The following ASL variants were observed in gnomAD, a reference collection of about 807,000 sequenced individuals.
ASL encodes argininosuccinase.
ASL carries 51 observed loss-of-function variants against 69.1 expected under a neutral mutation model. That is an observed-to-expected ratio of 0.74 (90% CI 0.59 to 0.93). ASL has a LOEUF of 0.93. Among genes scored for constraint, ASL ranks in the 40% least tolerant of loss-of-function variants. ASL has a pLI of 0.00. For missense variants in ASL, 540 were observed against 623.9 expected (o/e 0.87, Z 1.43); for synonymous variants, 241 against 247.6 (o/e 0.97, Z 0.25).
chr7:66,092,833 C>T lies in ASL; in HGVS notation c.1316C>T (p.Ala439Val), dbSNP rs1786891875. The T allele has an allele frequency of 1.2e-6, 2 of 1,613,660 alleles. No homozygotes were observed. The highest frequency in any genetic ancestry group is 1.1e-5 in the South Asian group (1 of 91,088). Residue 439 changes from alanine to valine, a missense_variant, in exon 17 of 17, where the codon GCC becomes GTC. Physicochemically the swap from Ala to Val is moderately conservative, Grantham distance 64. Transcript: ENST00000304874. The part of the protein sequence containing the change: ...DYGHSVEQYG[A>V]LGGTARSSVD... ...GGGCACAGTGTGGAGCAGTATGGTG[C>T]CCTGGGCGGCACTGCGCGCTCCAGC...
chr7:66,081,134 G>GGT (rs1206089931), intron 2 of ASL, among the ~76,000 whole-genome samples: 15 of 152,172 alleles, frequency 9.9e-5, no homozygotes, highest in Admixed American at 9.8e-4. Flanking sequence ...GAATTGTATT[G>GGT]GTGCCTACCC....
rs697969 is a variant in ASL at position 66,093,491 on chromosome 7, C to A, written c.*579C>A. On this transcript the variant is annotated 3_prime_UTR_variant, in exon 17 of 17. Coordinates refer to ENST00000304874, the MANE Select transcript of ASL (RefSeq NM_000048.4). ...CTCCTAGGCCAGGAGCGATGGCTCA[C>A]GCCTGTAATCCTAGCATTTTGGGAG... 94,896 of 160,524 alleles carry A rather than the reference C, an allele frequency of 0.59. 28,489 individuals carry two copies. The highest frequency in any genetic ancestry group is 0.68 in the African/African-American group (28,258 of 41,508). 9.9% of individuals were successfully genotyped at this position (160,524 alleles called of 1,614,324 possible). A position where few individuals can be genotyped will look rare whatever the true frequency, so the allele number is the denominator to read the frequency against.
intron 6 of ASL, among the ~76,000 whole-genome samples, chr7:66,085,992 A>G (rs1269344890): frequency 1.3e-5 from 2 of 152,060 alleles, no homozygotes; most frequent in Non-Finnish European, 2.9e-5. Context: ...GGAGGCTGAG[A>G]CAGGAGGATC....
Position 66,076,070 on chromosome 7 carries a change from G to T in ASL, c.-12G>T. ...AGGACCGAAGCTTCCGGACGACGAG[G>T]AACCGCCCAACATGGCCTCGGAGGT... On this transcript the variant is annotated 5_prime_UTR_variant, in exon 2 of 17. Transcript: ENST00000304874. 1 of 1,599,884 alleles carries T rather than the reference G, an allele frequency of 6.3e-7. No individual in the cohort carries two copies.
At chr7:66,089,507 T>C in intron 13 of ASL, 105 bp from the exon 14 acceptor site, 1 of 1,459,714 alleles carries the variant, frequency 6.9e-7, no homozygotes, top group Non-Finnish European at 9.5e-7. Context: ...TTGAGTGTTC[T>C]TCCCATGGAA....
chr7:66,090,148 G>C (rs913068636), intron 14 of ASL, among the ~76,000 whole-genome samples: 2 of 152,162 alleles, frequency 1.3e-5, no homozygotes, highest in African/African-American at 4.8e-5. Context: ...GGAGGCAGAA[G>C]AATAGCTTGA....
chr7:66,085,054 G>T (rs1786620109), intron 6 of ASL, among the ~76,000 whole-genome samples: 1 of 152,146 alleles, frequency 6.6e-6, no homozygotes, highest in Non-Finnish European at 1.5e-5. Context: ...CACCGTGCCT[G>T]GCCTTGAGTA....
intron 10 of ASL, among the ~76,000 whole-genome samples, 170 bp from the exon 11 acceptor site, chr7:66,088,637 G>T (rs541892709): frequency 2.0e-5 from 3 of 152,176 alleles, no homozygotes; most frequent in Non-Finnish European, 4.4e-5. Flanking sequence ...CAGAAGGATT[G>T]CTTGAGCCCA....
In ASL at chr7:66,089,715, C is replaced by T; in HGVS notation, c.1062+20C>T. On this transcript the variant is annotated intron_variant, in intron 14 of 16. Transcript: ENST00000304874. Reference sequence around the variant, plus strand: ...CTGCAGGCAAGACATCACCCCCCTGCTTCTCCTCCCCTAGGTCCCAGGCAC... The same window carrying T: ...CTGCAGGCAAGACATCACCCCCCTGTTTCTCCTCCCCTAGGTCCCAGGCAC... 1 of 1,612,050 alleles carries T rather than the reference C, an allele frequency of 6.2e-7. No homozygotes were observed. Among genetic ancestry groups the T allele is most frequent in the Non-Finnish European group, 8.5e-7 (1 of 1,179,596 alleles).
chr7:66,077,555 C>G (rs561554591), intron 2 of ASL, among the ~76,000 whole-genome samples: 1 of 152,050 alleles, frequency 6.6e-6, no homozygotes, highest in African/African-American at 2.4e-5. Flanking sequence ...ATGGTGAAAC[C>G]CCGTCTCTAC....
chr7:66,089,567 G>T (rs1249056591), intron 13 of ASL, 45 bp from the exon 14 acceptor site: 2 of 1,602,560 alleles, frequency 1.2e-6, no homozygotes, highest in Non-Finnish European at 1.7e-6. Flanking sequence ...GACCCTGGGT[G>T]CCAGGGGGCT....
chr7:66,081,715 G>C (rs985659014), intron 2 of ASL, 88 bp from the exon 3 acceptor site: 7 of 1,473,344 alleles, frequency 4.8e-6, no homozygotes, highest in Admixed American at 2.1e-5. Context: ...GCTACCATCA[G>C]ACTTGATAAG....
intron 2 of ASL, among the ~76,000 whole-genome samples, chr7:66,081,178 G>A (rs183028394): frequency 1.3e-5 from 2 of 152,208 alleles, no homozygotes; most frequent in African/African-American, 2.4e-5. Context: ...ATGGCACCTA[G>A]CACCTTGGTC....
At position 66,092,796 on chromosome 7, in the gene ASL, G is replaced by A. The variant is rs746642043; in HGVS notation, c.1279G>A (p.Val427Met). The change falls in exon 17 of 17, where the codon GTG becomes ATG. Residue 427 changes from valine to methionine, a missense_variant. Physicochemically the swap from Val to Met is conservative, Grantham distance 21 (BLOSUM62 1). Transcript: ENST00000304874. ...CCTGTTCTCGGGCGACGTGATCTGC[G>A]TGTGGGACTACGGGCACAGTGTGGA... ...SPLFSGDVIC[V>M]WDYGHSVEQY... The A allele has an allele frequency of 9.3e-6, 15 of 1,613,810 alleles. No homozygotes were observed. Among genetic ancestry groups the A allele is most frequent in the Admixed American group, 3.3e-5 (2 of 59,996 alleles).
At chr7:66,085,850 T>C (rs1355201505) in intron 6 of ASL, among the ~76,000 whole-genome samples, 2 of 151,948 alleles carry the variant, frequency 1.3e-5, no homozygotes, top group Non-Finnish European at 2.9e-5. Context: ...CCTTGTGATC[T>C]GCCCGCCTCG....
chr7:66,087,391 G>A lies in ASL; in HGVS notation c.655+5G>A, dbSNP rs1472293272. Reference sequence around the variant, plus strand: ...ACCGAGAGCTGCTCCGAGCAGGTGAGACGTCCTGCCCCTCCTCCCCAGGGA... The same window carrying A: ...ACCGAGAGCTGCTCCGAGCAGGTGAAACGTCCTGCCCCTCCTCCCCAGGGA... On this transcript the variant is annotated splice_donor_5th_base_variant and intron_variant, in intron 9 of 16. Transcript: ENST00000304874. The A allele has an allele frequency of 6.8e-6, 11 of 1,606,836 alleles. No individual in the cohort carries two copies. The highest frequency in any genetic ancestry group is 9.3e-6 in the Non-Finnish European group (11 of 1,179,906).
At chr7:66,091,760 G>T in intron 14 of ASL, 3 of 543,460 alleles carry the variant, frequency 5.5e-6, no homozygotes, top group Non-Finnish European at 1.0e-5. Context: ...GATGCATGCT[G>T]AAGATAAGGA....
At chr7:66,080,558 A>G (rs1276899507) in intron 2 of ASL, among the ~76,000 whole-genome samples, 1 of 151,646 alleles carries the variant, frequency 6.6e-6, no homozygotes, top group Non-Finnish European at 1.5e-5. Context: ...CCCCGTCTCT[A>G]CTAAAAATAT....
rs199930463 is a variant in ASL, at chr7:66,078,827, G to T, written c.12+2734G>T. 4.1e-4 allele frequency among the ~76,000 whole-genome samples: 63 copies of T among 151,986 alleles called. No individual in the cohort carries two copies. The East Asian group carries it at 8.9e-3, about 22-fold the overall frequency. On this transcript the variant is annotated intron_variant, in intron 2 of 16. Transcript: ENST00000304874. Reference sequence around the variant, plus strand: ...TGTTTATATTTTTAGTACAGATGAGGTTTCACCATGTTGGCCAGGCTGATC... The same window carrying T: ...TGTTTATATTTTTAGTACAGATGAGTTTTCACCATGTTGGCCAGGCTGATC...
Sources: allele counts gnomAD v4.1 joint callset (sites outside exome capture counted in the v4.1 genomes callset), GRCh38; gene constraint gnomAD v4.1.1; transcripts MANE v1.5; gene names NCBI Gene and HGNC (gene_info 2026-07-23, HGNC 2026-07-21).